Variants in ACSL1 observed in about 807,000 individuals in gnomAD.
The protein encoded by ACSL1 is acyl-CoA synthetase long chain family member 1.
ACSL1 carries 41 observed loss-of-function variants against 98.4 expected under a neutral mutation model. The observed-to-expected ratio is 0.42, with a 90% CI of 0.32 to 0.54. ACSL1 has a LOEUF of 0.54. ACSL1 is among the 20% of genes least tolerant of loss of function. The pLI is 0.13. For missense variants in ACSL1, 734 were observed against 883.1 expected (o/e 0.83, Z 2.14); for synonymous variants, 316 against 322.7 (o/e 0.98, Z 0.22).
In ACSL1 at chr4:184,773,433, A is replaced by G. The variant is rs189872770; in HGVS notation, c.841+230T>C. Among the ~76,000 whole-genome samples, 26 of 152,350 alleles carry G rather than the reference A, an allele frequency of 1.7e-4. No homozygotes were observed. The highest frequency in any genetic ancestry group is 5.9e-4 in the Admixed American group (9 of 15,304). On this transcript the variant is annotated intron_variant, in intron 9 of 20. Transcript: ENST00000281455. The surrounding 1 kb of genome is among the most constrained non-coding windows in gnomAD (Gnocchi z 4.3). ...GGGAGCCACCGATATAGTCTGTCCTAGGAAGACAGGTGAATCTAATATCAC... is the reference window on the plus strand; with the variant it reads ...GGGAGCCACCGATATAGTCTGTCCTGGGAAGACAGGTGAATCTAATATCAC...
chr4:184,816,138 C>T (rs144780674), intron 1 of ACSL1, among the ~76,000 whole-genome samples: 87 of 151,778 alleles, frequency 5.7e-4, no homozygotes, highest in African/African-American at 2.0e-3. Context: ...AAAAAGCAGA[C>T]ATGAATGGAA....
intron 2 of ACSL1, among the ~76,000 whole-genome samples, chr4:184,789,881 A>G (rs1378148573): frequency 4.3e-5 from 1 of 23,496 alleles, no homozygotes; most frequent in Non-Finnish European, 7.5e-5. Context: ...GTTAGAGCCT[A>G]CCTTTTTTTT....
intron 1 of ACSL1, among the ~76,000 whole-genome samples, chr4:184,806,315 C>T (rs1771415743): frequency 6.6e-6 from 1 of 152,218 alleles, no homozygotes; most frequent in Non-Finnish European, 1.5e-5. Flanking sequence ...AACTCCACAA[C>T]CTCAAAGCAG....
At chr4:184,787,823 C>A (rs1045058738) in intron 3 of ACSL1, among the ~76,000 whole-genome samples, 5 of 146,820 alleles carry the variant, frequency 3.4e-5, no homozygotes, top group Admixed American at 2.8e-4. Context: ...AAGATCATGC[C>A]ATTGCACTCC....
intron 3 of ACSL1, among the ~76,000 whole-genome samples, chr4:184,784,295 G>C (rs1250579520): frequency 6.6e-6 from 1 of 152,222 alleles, no homozygotes. Flanking sequence ...TACTGGTTTA[G>C]ACCAGGAGTC....
At chr4:184,776,434 C>T in intron 7 of ACSL1, 50 bp downstream of exon 7, 1 of 1,578,512 alleles carries the variant, frequency 6.3e-7, no homozygotes, top group Non-Finnish European at 8.6e-7. Flanking sequence ...TGTGAGCCAA[C>T]ACGGCCCCAG....
At chr4:184,764,806 C>T (rs748951900) in intron 15 of ACSL1, 47 bp downstream of exon 15, 2 of 1,533,914 alleles carry the variant, frequency 1.3e-6, no homozygotes, top group South Asian at 1.2e-5. Flanking sequence ...TACCAATAAC[C>T]CAGTATGAAT....
intron 1 of ACSL1, among the ~76,000 whole-genome samples, chr4:184,807,746 A>G (rs1771611035): frequency 6.6e-6 from 1 of 152,098 alleles, no homozygotes; most frequent in Admixed American, 6.5e-5. Flanking sequence ...TTTCATATCC[A>G]GTGTCTTATC....
At chr4:184,810,786 G>T (rs13126272) in intron 1 of ACSL1, among the ~76,000 whole-genome samples, 47,037 of 152,050 alleles carry the variant, frequency 0.31, 7,570 homozygotes, top group Middle Eastern at 0.37. Flanking sequence ...TTAGTTATGA[G>T]TTTGTTAGGA....
chr4:184,800,138 T>C (rs1314179886), intron 2 of ACSL1, among the ~76,000 whole-genome samples: 1 of 152,314 alleles, frequency 6.6e-6, no homozygotes, highest in East Asian at 1.9e-4. Flanking sequence ...TGCTGCATAC[T>C]TATTGTGGGC....
chr4:184,776,622 G>A lies in ACSL1; in HGVS notation c.618C>T (p.Ala206=), dbSNP rs1294949825. 1 of 1,613,224 alleles carries A rather than the reference G, an allele frequency of 6.2e-7. No individual in the cohort carries two copies. Residue 206 remains alanine, a synonymous_variant, in exon 7 of 21, where the codon GCC becomes GCT. Coordinates refer to ENST00000281455, the MANE Select transcript of ACSL1 (RefSeq NM_001995.5). The stretch of plus-strand genomic sequence containing the variant: ...TTTCTACACCCTCTAATAAGAGTTT[G>A]GCCTTCTCTGGCTTGTCAACAAAAA... ...SLVFVDKPEK[A]KLLLEGVENK...
At chr4:184,811,403 C>A (rs138186219) in intron 1 of ACSL1, among the ~76,000 whole-genome samples, 11 of 152,184 alleles carry the variant, frequency 7.2e-5, no homozygotes, top group African/African-American at 2.6e-4. Context: ...TGAGCCACCG[C>A]GCCCAGCTGC....
intron 1 of ACSL1, among the ~76,000 whole-genome samples, chr4:184,817,492 A>C (rs1430302451): frequency 6.6e-6 from 1 of 152,024 alleles, no homozygotes; most frequent in Non-Finnish European, 1.5e-5. Context: ...CATACACCCC[A>C]CTCTGGAGAC....
intron 11 of ACSL1, 96 bp from the exon 12 acceptor site, chr4:184,768,546 G>T (rs1176936049): frequency 2.0e-6 from 3 of 1,491,520 alleles, no homozygotes; most frequent in African/African-American, 2.9e-5. Flanking sequence ...AGCATTTCAG[G>T]CCAGTTTCCA....
At chr4:184,816,069 CA>C (rs1453655931) in intron 1 of ACSL1, among the ~76,000 whole-genome samples, 1 of 151,320 alleles carries the variant, frequency 6.6e-6, no homozygotes, top group Admixed American at 6.6e-5. Context: ...GGCAGTGAGC[CA>C]AGATGGCACC....
At chr4:184,816,038 T>A (rs576140648) in intron 1 of ACSL1, among the ~76,000 whole-genome samples, 2 of 151,714 alleles carry the variant, frequency 1.3e-5, no homozygotes. Flanking sequence ...GAGAGTCGAT[T>A]GAACCTGTGG....
At chr4:184,808,458 C>T (rs1373776937) in intron 1 of ACSL1, 27 of 985,300 alleles carry the variant, frequency 2.7e-5, no homozygotes, top group Non-Finnish European at 3.3e-5. Context: ...AAATGACACC[C>T]TTGCCCCTGC....
rs528749911 is a variant in ACSL1, at chr4:184,811,372, A to G, written c.-32-7826T>C. Among the ~76,000 whole-genome samples the G allele has an allele frequency of 1.9e-3, 285 of 152,150 alleles. 1 individual carries two copies. The highest frequency in any genetic ancestry group is 6.2e-3 in the Admixed American group (95 of 15,268). On this transcript the variant is annotated intron_variant, in intron 1 of 20. Coordinates refer to ENST00000281455, the MANE Select transcript of ACSL1 (RefSeq NM_001995.5). The stretch of plus-strand genomic sequence containing the variant: ...TGTGATCTGCCCGCCTTGGCCTCCC[A>G]AAGTGCTGGGATTACAGGTGTGAGC...
At chr4:184,822,944 T>C (rs1773183312) in intron 1 of ACSL1, among the ~76,000 whole-genome samples, 1 of 152,184 alleles carries the variant, frequency 6.6e-6, no homozygotes, top group African/African-American at 2.4e-5. Flanking sequence ...AAACTGCCCC[T>C]GCCTTCTCCA....
Sources: allele counts gnomAD v4.1 joint callset (sites outside exome capture counted in the v4.1 genomes callset), GRCh38; gene constraint gnomAD v4.1.1; non-coding constraint Gnocchi (gnomAD v3.1); transcripts MANE v1.5; gene names NCBI Gene and HGNC (gene_info 2026-07-23, HGNC 2026-07-21).